COL23A1: variants seen among roughly 807,000 people sequenced by gnomAD.
The protein encoded by COL23A1 is collagen type XXIII alpha 1 chain, also known as collagen alpha-1(XXIII) chain.
COL23A1 carries 97 observed loss-of-function variants against 99.3 expected under a neutral mutation model. The observed-to-expected ratio is 0.98, with a 90% CI of 0.83 to 1.16. The LOEUF (loss-of-function observed/expected upper bound fraction) is 1.16, where lower values mean the gene tolerates loss of function less well. Among genes scored for constraint, COL23A1 ranks in the 50% most tolerant of loss-of-function variants. The pLI is 0.00. For missense variants in COL23A1, 762 were observed against 757.4 expected (o/e 1.01, Z -0.07); for synonymous variants, 320 against 308.2 (o/e 1.04, Z -0.40).
chr5:178,400,092 C>T (rs113336791), intron 2 of COL23A1, among the ~76,000 whole-genome samples: 16 of 152,218 alleles, frequency 1.1e-4, no homozygotes, highest in African/African-American at 3.4e-4. Flanking sequence ...ATAGGCTGGG[C>T]GCTGTGGCTC....
chr5:178,269,704 C>T (rs1322823367), intron 6 of COL23A1, among the ~76,000 whole-genome samples: 1 of 144,260 alleles, frequency 6.9e-6, no homozygotes, highest in Non-Finnish European at 1.5e-5. Context: ...CACCCATTCC[C>T]CCACCAATCC....
At chr5:178,402,370 G>T (rs1430160447) in intron 2 of COL23A1, among the ~76,000 whole-genome samples, 2 of 152,098 alleles carry the variant, frequency 1.3e-5, no homozygotes, top group East Asian at 1.9e-4. Context: ...AAAAAAAGTA[G>T]CTCTCACGAA....
intron 2 of COL23A1, among the ~76,000 whole-genome samples, chr5:178,381,666 T>C (rs115581802): frequency 0.013 from 1,920 of 152,298 alleles, 15 homozygotes; most frequent in Middle Eastern, 0.041. Flanking sequence ...GACAGGGTCT[T>C]GCTGTGTCGC....
chr5:178,517,285 A>G (rs1759574228), intron 2 of COL23A1, among the ~76,000 whole-genome samples: 1 of 152,204 alleles, frequency 6.6e-6, no homozygotes, highest in Non-Finnish European at 1.5e-5. Flanking sequence ...GCAAACCTGT[A>G]TCCCTAACTG....
intron 3 of COL23A1, among the ~76,000 whole-genome samples, chr5:178,304,505 C>CCA (rs1758244853): frequency 2.2e-4 from 7 of 32,216 alleles, no homozygotes; most frequent in Non-Finnish European, 4.3e-4. Flanking sequence ...GCGACTGTCT[C>CCA]AAAAAAAAAA....
intron 2 of COL23A1, among the ~76,000 whole-genome samples, chr5:178,358,773 GTA>G (rs1762020105): frequency 3.3e-5 from 4 of 120,686 alleles, no homozygotes; most frequent in African/African-American, 8.3e-5. Context: ...GTATGTGTGT[GTA>G]TGTGTATGTG....
chr5:178,343,545 A>C (rs905715735), intron 2 of COL23A1, among the ~76,000 whole-genome samples: 1 of 152,116 alleles, frequency 6.6e-6, no homozygotes, highest in African/African-American at 2.4e-5. Flanking sequence ...ATGAAGAGGA[A>C]GGGGTGTGGA....
rs1263644782 is a variant in COL23A1 at position 178,366,872 on chromosome 5, A to G, written c.362-59953T>C. Among the ~76,000 whole-genome samples, 1 of 152,130 alleles carries G rather than the reference A, an allele frequency of 6.6e-6. No individual in the cohort carries two copies. The highest frequency in any genetic ancestry group is 1.5e-5 in the Non-Finnish European group (1 of 68,010). On this transcript the variant is annotated intron_variant, in intron 2 of 28. Coordinates refer to ENST00000390654, the MANE Select transcript of COL23A1 (RefSeq NM_173465.4). The surrounding 1 kb of genome is among the most constrained non-coding windows in gnomAD (Gnocchi z 4.4). ...GGGTCCTGCCCTCCTCTGCAGCCCC[A>G]CGTGGCCCACTTGGCATGAGTGGCT... is the stretch of plus-strand genomic sequence containing the variant.
At chr5:178,491,405 G>C (rs1472848056) in intron 2 of COL23A1, among the ~76,000 whole-genome samples, 1 of 152,146 alleles carries the variant, frequency 6.6e-6, no homozygotes, top group East Asian at 1.9e-4. Flanking sequence ...AATTAGCCTT[G>C]ACTTGGTGGC....
chr5:178,341,462 G>A (rs532081428), intron 2 of COL23A1, among the ~76,000 whole-genome samples: 3 of 152,344 alleles, frequency 2.0e-5, no homozygotes, highest in Admixed American at 2.0e-4. Context: ...GGAAGGGCCT[G>A]GCTAGCCTGG....
chr5:178,426,254 C>T (rs781418365), intron 2 of COL23A1, among the ~76,000 whole-genome samples: 8 of 152,200 alleles, frequency 5.3e-5, no homozygotes, highest in African/African-American at 1.4e-4. Flanking sequence ...GAGAATTCTC[C>T]GTATCTTTGT....
intron 2 of COL23A1, among the ~76,000 whole-genome samples, chr5:178,416,450 G>A (rs1475436974): frequency 6.6e-6 from 1 of 152,224 alleles, no homozygotes; most frequent in Non-Finnish European, 1.5e-5. Flanking sequence ...AGGCAGTGCT[G>A]CTGGTCTGGC....
chr5:178,449,551 C>G (rs1439695203), intron 2 of COL23A1, among the ~76,000 whole-genome samples: 4 of 152,022 alleles, frequency 2.6e-5, no homozygotes, highest in South Asian at 2.1e-4. Flanking sequence ...CCCCCACCCC[C>G]CTAAATGAAG....
chr5:178,421,526 A>G (rs1228347383), intron 2 of COL23A1, among the ~76,000 whole-genome samples: 1 of 152,144 alleles, frequency 6.6e-6, no homozygotes, highest in East Asian at 1.9e-4. Flanking sequence ...ATGTTTTCCA[A>G]AGGCCCTGCC....
intron 2 of COL23A1, among the ~76,000 whole-genome samples, chr5:178,540,298 C>T (rs1225216188): frequency 2.6e-5 from 4 of 152,214 alleles, no homozygotes; most frequent in East Asian, 1.9e-4. Context: ...TTAACAAGTA[C>T]ATGTGGCAAG....
chr5:178,553,788 G>A (rs1021012980), intron 2 of COL23A1, among the ~76,000 whole-genome samples: 4 of 152,242 alleles, frequency 2.6e-5, no homozygotes, highest in Admixed American at 6.5e-5. Flanking sequence ...CTAGAAGAAC[G>A]TGCCAGTAAA....
chr5:178,424,355 C>G (rs1353594041), intron 2 of COL23A1, among the ~76,000 whole-genome samples: 2 of 152,234 alleles, frequency 1.3e-5, no homozygotes, highest in Non-Finnish European at 2.9e-5. Context: ...GGCCTGCCCG[C>G]CCAGCATTCT....
At chr5:178,587,292 G>A (rs1009288625) in intron 1 of COL23A1, among the ~76,000 whole-genome samples, 1 of 152,142 alleles carries the variant, frequency 6.6e-6, no homozygotes, top group East Asian at 1.9e-4. Flanking sequence ...TGTGCCATGG[G>A]AAGGGTCTTT....
rs1174946337 is a variant in COL23A1, at chr5:178,589,973, C to T, written c.225G>A (p.Leu75=). The T allele has an allele frequency of 3.7e-6, 5 of 1,334,278 alleles. No individual in the cohort carries two copies. Among genetic ancestry groups the T allele is most frequent in the Non-Finnish European group, 4.8e-6 (5 of 1,048,970 alleles). The allele number at this position is 1,334,278 out of a possible 1,614,324, so 82.7% of individuals were successfully genotyped here. ...GGGCGCCTGGCGGCCCCGCGCGCCGCAGCAGCTCCCGCTCCTCCTCGAGCG... is the reference window on the plus strand; with the variant it reads ...GGGCGCCTGGCGGCCCCGCGCGCCGTAGCAGCTCCCGCTCCTCCTCGAGCG... ...VAALEEEREL[L]RRAGPPGALD... The change falls in exon 1 of 29, where the codon CTG becomes CTA. Residue 75 remains leucine (L), a synonymous_variant. Coordinates refer to ENST00000390654, the MANE Select transcript of COL23A1 (RefSeq NM_173465.4). This position sits in a 1 kb window ranked among gnomAD's most constrained non-coding sequence, Gnocchi z 5.4.
Sources: gnomAD v4.1 joint callset for allele counts (sites outside exome capture counted in the v4.1 genomes callset) on GRCh38, gnomAD v4.1.1 for gene constraint, Gnocchi (gnomAD v3.1) non-coding constraint, MANE v1.5 for transcripts, NCBI Gene and HGNC (gene_info 2026-07-23, HGNC 2026-07-21) for gene names.